Variants in CCDC88B observed in about 807,000 individuals in gnomAD.
The protein encoded by CCDC88B is coiled-coil and HOOK domain protein 88B.
In CCDC88B, 138 loss-of-function variants were observed where a neutral mutation model predicts 183.7. The observed-to-expected ratio is 0.75, with a 90% CI of 0.65 to 0.87. The LOEUF is 0.87. CCDC88B is among the 40% of genes least tolerant of loss of function. The probability of loss-of-function intolerance (pLI) is 0.00; values close to 1 mark genes in which losing one functional copy is unlikely to be tolerated. For missense variants in CCDC88B, 1,822 were observed against 1,965.6 expected, an observed-to-expected ratio of 0.93 and a Z score of 1.38; for synonymous variants, 835 against 867.5, an observed-to-expected ratio of 0.96 and a Z score of 0.66.
In CCDC88B at chr11:64,354,092, G is replaced by A. The variant is rs765945536; in HGVS notation, c.4021G>A (p.Asp1341Asn). ...GPPGGLRLGA[D>N]GAGSTESLGG... is the part of the protein sequence containing the mutation. ...CCCTGGGGGGCTGCGCCTGGGGGCC[G>A]ATGGGGCTGGCAGCACCGAGAGCCT... Residue 1341 changes from aspartate to asparagine, a missense_variant, in exon 24 of 27, where the codon GAT becomes AAT. Asp to Asn is a conservative substitution (Grantham distance 23, BLOSUM62 1). Coordinates refer to ENST00000356786, the MANE Select transcript of CCDC88B (RefSeq NM_032251.6). The A allele has an allele frequency of 1.6e-5, 23 of 1,419,496 alleles. No homozygotes were observed. Among genetic ancestry groups the A allele is most frequent in the Non-Finnish European group, 1.9e-5 (21 of 1,081,314 alleles). 87.9% of individuals were successfully genotyped at this position (1,419,496 alleles called of 1,614,324 possible).
rs770315982 is a variant in CCDC88B at position 64,344,991 on chromosome 11, C to G, written c.2450C>G (p.Ala817Gly). 2 of 1,547,016 alleles carry G rather than the reference C, an allele frequency of 1.3e-6. No individual in the cohort carries two copies. Among genetic ancestry groups the G allele is most frequent in the South Asian group, 2.4e-5 (2 of 84,234 alleles). The change falls in exon 14 of 27, where the codon GCG becomes GGG. Residue 817 changes from alanine (A) to glycine (G), a missense_variant. Physicochemically the swap from Ala to Gly is moderately conservative, Grantham distance 60 (BLOSUM62 0). Coordinates refer to ENST00000356786, the MANE Select transcript of CCDC88B (RefSeq NM_032251.6). The surrounding 1 kb of genome is among the most constrained non-coding windows in gnomAD (Gnocchi z 4.5). ...CAGGAACGGGAGGCGCTGGTGGAGG[C>G]GCTGGCAGCAGCGGGCCGGGAGCGG... ...ASQEREALVEALAAAGRERRQ... is the reference protein window; with the variant it reads ...ASQEREALVEGLAAAGRERRQ...
intron 24 of CCDC88B, among the ~76,000 whole-genome samples, chr11:64,354,401 C>T (rs1000976139): frequency 1.3e-5 from 2 of 152,106 alleles, no homozygotes; most frequent in Admixed American, 6.5e-5. Context: ...CTGCCCCATC[C>T]GCAGCGGAGC....
Position 64,352,844 on chromosome 11 carries a change from G to A in CCDC88B, c.3457G>A (p.Gly1153Ser). Residue 1153 changes from glycine to serine, a missense_variant, in exon 20 of 27, where the codon GGC becomes AGC. Transcript: ENST00000356786. ...RLMQDGHRQR[G>S]LEEELRRLQS... ...GATGCAAGATGGGCATCGGCAGCGG[G>A]GCCTGGAGGAGGAGCTGCGGAGGCT... The A allele has an allele frequency of 6.2e-7, 1 of 1,611,114 alleles. No individual in the cohort carries two copies. The highest frequency in any genetic ancestry group is 8.5e-7 in the Non-Finnish European group (1 of 1,179,262).
intron 14 of CCDC88B, chr11:64,349,009 A>T (rs920269718): frequency 1.4e-6 from 1 of 717,514 alleles, no homozygotes. Context: ...CACCGGGCGC[A>T]TCCACCTTTC....
chr11:64,349,630 A>G lies in CCDC88B; in HGVS notation c.2824A>G (p.Lys942Glu). 2 of 1,600,190 alleles carry G rather than the reference A, an allele frequency of 1.2e-6. No homozygotes were observed. Among genetic ancestry groups the G allele is most frequent in the African/African-American group, 1.3e-5 (1 of 74,938 alleles). Residue 942 changes from lysine (K) to glutamate (E), a missense_variant, in exon 16 of 27, where the codon AAG becomes GAG. Coordinates refer to ENST00000356786, the MANE Select transcript of CCDC88B (RefSeq NM_032251.6). ...TSKEEALMEL[K>E]TRALQLEEEL... is the part of the protein sequence containing the mutation. Reference sequence around the variant, plus strand: ...CAAGGAGGAGGCGCTGATGGAGCTCAAGACCAGGGCCCTGCAGCTGGAAGA... The same window carrying G: ...CAAGGAGGAGGCGCTGATGGAGCTCGAGACCAGGGCCCTGCAGCTGGAAGA...
chr11:64,353,257 G>A lies in CCDC88B; in HGVS notation c.3687+17G>A, dbSNP rs146285591. 2,289 of 1,561,476 alleles carry A rather than the reference G, an allele frequency of 1.5e-3. 31 individuals are homozygous for A. The African/African-American group carries it at 0.028, about 19-fold the overall frequency. On this transcript the variant is annotated intron_variant, in intron 21 of 26. Coordinates refer to ENST00000356786, the MANE Select transcript of CCDC88B (RefSeq NM_032251.6). ...CAGTGTGAGGTGTGGCTGGAGGGCC[G>A]GTGGGGGTATGGGCGTGTGGTGGGG... is the stretch of plus-strand genomic sequence containing the variant.
At position 64,351,252 on chromosome 11, in the gene CCDC88B, C is replaced by T; in HGVS notation, c.2955C>T (p.Arg985=). The T allele has an allele frequency of 2.0e-6, 3 of 1,523,132 alleles. No homozygotes were observed. Among genetic ancestry groups the T allele is most frequent in the Non-Finnish European group, 2.6e-6 (3 of 1,135,592 alleles). 94.4% of individuals were successfully genotyped at this position (1,523,132 alleles called of 1,614,324 possible). A position where few individuals can be genotyped will look rare whatever the true frequency, so the allele number is the denominator to read the frequency against. ...TQNVRLIEVE[R]SNAMLVAEKA... is the part of the protein sequence containing the mutation. ...ATGTGCGGCTTATTGAGGTGGAGCG[C>T]AGTGTGAGTGTGGGCCCACAGTGGG... Residue 985 remains arginine (R), a synonymous_variant, in exon 17 of 27, where the codon CGC becomes CGT. Coordinates refer to ENST00000356786, the MANE Select transcript of CCDC88B (RefSeq NM_032251.6).
chr11:64,356,670 C>T (rs907505574), intron 26 of CCDC88B: 12 of 329,438 alleles, frequency 3.6e-5, no homozygotes, highest in Non-Finnish European at 6.1e-5. Flanking sequence ...GGCAGCTCAG[C>T]CCTAGACCCG....
In CCDC88B at chr11:64,344,917, G is replaced by C; in HGVS notation, c.2376G>C (p.Arg792=). The C allele has an allele frequency of 6.4e-7, 1 of 1,572,428 alleles. No individual in the cohort carries two copies. The highest frequency in any genetic ancestry group is 8.6e-7 in the Non-Finnish European group (1 of 1,159,092). ...AGGCCCAGGCCTGGGAGCAAGCCCGGCTGCGGGAGGCAGTGGAGGCTGCTG... is the reference window on the plus strand; with the variant it reads ...AGGCCCAGGCCTGGGAGCAAGCCCGCCTGCGGGAGGCAGTGGAGGCTGCTG... ...EAEAQAWEQA[R]LREAVEAAGQ... is the part of the protein sequence containing the mutation. Residue 792 remains arginine (R), a synonymous_variant, in exon 14 of 27, where the codon CGG becomes CGC. Coordinates refer to ENST00000356786, the MANE Select transcript of CCDC88B (RefSeq NM_032251.6). The surrounding 1 kb of genome is among the most constrained non-coding windows in gnomAD (Gnocchi z 4.5).
rs1353578080 is a variant in CCDC88B, at chr11:64,351,468, C to T, written c.2959-8C>T. On this transcript the variant is annotated splice_region_variant and splice_polypyrimidine_tract_variant and intron_variant, in intron 17 of 26. Transcript: ENST00000356786. ...ACCTGGCTATTGCTAACCCCCACTT[C>T]TGGGCAGAATGCGATGCTGGTGGCA... 3.8e-6 allele frequency: 6 copies of T among 1,584,508 alleles called. No individual in the cohort carries two copies. In the East Asian group the frequency reaches 1.1e-4, roughly 30 times the overall value.
At chr11:64,349,033 A>G in intron 14 of CCDC88B, 1 of 717,524 alleles carries the variant, frequency 1.4e-6, no homozygotes. Context: ...GCGCACATGA[A>G]GAACCGTGGG....
At position 64,341,736 on chromosome 11, in the gene CCDC88B, G is replaced by T. The variant is rs61735121; in HGVS notation, c.669G>T (p.Gly223=). ...AGCTGGCACGGGAGCGTGACCTGGG[G>T]GCCCAGGTAGGGGCAGCAGGGGCAT... ...LSKLARERDL[G]AQRLAELLLE... Residue 223 remains glycine (G), a synonymous_variant, in exon 7 of 27, where the codon GGG becomes GGT. Transcript: ENST00000356786. The T allele has an allele frequency of 1.9e-6, 3 of 1,565,262 alleles. No individual in the cohort carries two copies. In the African/African-American group the frequency reaches 4.1e-5, roughly 21 times the overall value.
intron 26 of CCDC88B, 132 bp downstream of exon 26, chr11:64,355,760 C>A: frequency 1.2e-6 from 1 of 815,244 alleles, no homozygotes; most frequent in Non-Finnish European, 1.9e-6. Flanking sequence ...GCAGGGGACA[C>A]AGCAGGGAAC....
intron 26 of CCDC88B, 112 bp from the exon 27 acceptor site, chr11:64,356,927 G>C (rs892237822): frequency 6.3e-5 from 63 of 993,946 alleles, no homozygotes; most frequent in African/African-American, 6.3e-4. Context: ...AGCTGGAAGC[G>C]GGGGGTATTG....
In CCDC88B at chr11:64,351,598, G is replaced by A. The variant is rs760557846; in HGVS notation, c.3081G>A (p.Glu1027=). The A allele has an allele frequency of 2.6e-6, 4 of 1,564,952 alleles. No individual in the cohort carries two copies. The highest frequency in any genetic ancestry group is 2.7e-5 in the African/African-American group (2 of 74,060). ...ELLLQSQRAQ[E]HSSRLQAEKS... The stretch of plus-strand genomic sequence containing the variant: ...TGCTGCAGAGCCAGCGGGCGCAGGA[G>A]CACAGCAGCCGCCTGCAGGTGGGTG... Residue 1027 remains glutamate, a synonymous_variant, in exon 18 of 27, where the codon GAG becomes GAA. Coordinates refer to ENST00000356786, the MANE Select transcript of CCDC88B (RefSeq NM_032251.6).
At chr11:64,343,943 G>T in intron 13 of CCDC88B, 29 bp downstream of exon 13, 1 of 1,575,504 alleles carries the variant, frequency 6.3e-7, no homozygotes, top group Non-Finnish European at 8.6e-7. Context: ...GGTCCTGGCC[G>T]GCCCTTCCCC....
At position 64,352,205 on chromosome 11, in the gene CCDC88B, G is replaced by T. The variant is rs144040722; in HGVS notation, c.3175G>T (p.Ala1059Ser). 53 of 1,606,572 alleles carry T rather than the reference G, an allele frequency of 3.3e-5. No homozygotes were observed. The African/African-American group carries it at 4.8e-4, about 15-fold the overall frequency. The change falls in exon 19 of 27, where the codon GCG (alanine) becomes TCG (serine). Residue 1059 changes from alanine (A) to serine (S), a missense_variant. Ala to Ser is a moderately conservative substitution (Grantham distance 99, BLOSUM62 1). Coordinates refer to ENST00000356786, the MANE Select transcript of CCDC88B (RefSeq NM_032251.6). Reference sequence around the variant, plus strand: ...GGAGGTGCTGGAGGAGGAGGTGCGGGCGGCACGGCAGTCCCAGGAGGAGAC... The same window carrying T: ...GGAGGTGCTGGAGGAGGAGGTGCGGTCGGCACGGCAGTCCCAGGAGGAGAC... Reference protein sequence around the residue: ...KLEVLEEEVRAARQSQEETRG... With the variant: ...KLEVLEEEVRSARQSQEETRG...
In CCDC88B at chr11:64,341,696, T is replaced by G. The variant is rs1036019748; in HGVS notation, c.629T>G (p.Met210Arg). The G allele has an allele frequency of 3.1e-6, 5 of 1,605,518 alleles. No individual in the cohort carries two copies. Among genetic ancestry groups the G allele is most frequent in the Non-Finnish European group, 4.3e-6 (5 of 1,176,398 alleles). The change falls in exon 7 of 27, where the codon ATG (methionine) becomes AGG (arginine). Residue 210 changes from methionine to arginine, a missense_variant. Met to Arg is a moderately conservative substitution (Grantham distance 91). Coordinates refer to ENST00000356786, the MANE Select transcript of CCDC88B (RefSeq NM_032251.6). The part of the protein sequence containing the change: ...AELEMLSRSL[M>R]GTLSKLARER... ...CTGGAGATGCTGTCCCGGAGCCTGA[T>G]GGGGACACTGTCGAAGCTGGCACGG...
rs2036372989 is a variant in CCDC88B at position 64,352,403 on chromosome 11, G to A, written c.3356+17G>A. 3.3e-6 allele frequency: 5 copies of A among 1,515,032 alleles called. No individual in the cohort carries two copies. Among genetic ancestry groups the A allele is most frequent in the Non-Finnish European group, 4.4e-6 (5 of 1,129,692 alleles). The allele number at this position is 1,515,032 out of a possible 1,614,324, so 93.8% of individuals were successfully genotyped here. On this transcript the variant is annotated intron_variant, in intron 19 of 26. Coordinates refer to ENST00000356786, the MANE Select transcript of CCDC88B (RefSeq NM_032251.6). The stretch of plus-strand genomic sequence containing the variant: ...GCAGGGCCGGTGAGCATCACCAAAT[G>A]CCCAGCTCCTCCCCTGGCACCCCCT...
Sources: allele counts gnomAD v4.1 joint callset (sites outside exome capture counted in the v4.1 genomes callset), GRCh38; gene constraint gnomAD v4.1.1; non-coding constraint Gnocchi (gnomAD v3.1); transcripts MANE v1.5; gene names NCBI Gene and HGNC (gene_info 2026-07-23, HGNC 2026-07-21).